Variants in SPPL3 observed in about 807,000 individuals in gnomAD.
SPPL3 encodes signal peptide peptidase-like 3.
A neutral mutation model predicts 42.4 loss-of-function variants in SPPL3; 5 were observed. The observed-to-expected ratio is 0.12, with a 90% CI of 0.06 to 0.25. The LOEUF (loss-of-function observed/expected upper bound fraction) is 0.25. SPPL3 is among the 10% of genes least tolerant of loss of function. The probability of loss-of-function intolerance (pLI) is 1.00; values close to 1 mark genes in which losing one functional copy is unlikely to be tolerated. For missense variants in SPPL3, 235 were observed against 489.0 expected (o/e 0.48, Z 4.90); for synonymous variants, 195 against 181.8 (o/e 1.07, Z -0.58).
chr12:120,814,323 G>C (rs954375746), intron 1 of SPPL3, among the ~76,000 whole-genome samples: 1 of 152,150 alleles, frequency 6.6e-6, no homozygotes, highest in African/African-American at 2.4e-5. Flanking sequence ...AGTGGAGAAA[G>C]GGAAGGTAGG....
At chr12:120,852,777 A>ACATATGTG (rs1307530615) in intron 1 of SPPL3, among the ~76,000 whole-genome samples, 1 of 137,044 alleles carries the variant, frequency 7.3e-6, no homozygotes, top group Non-Finnish European at 1.6e-5. Context: ...TATTATATAT[A>ACATATGTG]AAATATATTT....
chr12:120,871,135 A>AAAAAAAG, intron 1 of SPPL3, among the ~76,000 whole-genome samples: 1 of 145,658 alleles, frequency 6.9e-6, no homozygotes, highest in East Asian at 2.0e-4. Context: ...GTCTCCAAAA[A>AAAAAAAG]AAAAAAAAAA....
In SPPL3 at chr12:120,795,094, ATGTT is replaced by A. The variant is rs546295433; in HGVS notation, c.102-3541_102-3538del. Among the ~76,000 whole-genome samples, 47 of 152,192 alleles carry A rather than the reference ATGTT, an allele frequency of 3.1e-4. 1 individual carries two copies. The South Asian group carries it at 4.1e-3, about 13-fold the overall frequency. ...TATCTTATAAACCTCACAATATATA[ATGTT>A]TGTTTATGTTGTCAATTATCATTCA... is the stretch of plus-strand genomic sequence containing the variant. On this transcript the variant is annotated intron_variant, in intron 2 of 10. Transcript: ENST00000353487.
In SPPL3 at chr12:120,784,510, C is replaced by A; in HGVS notation, c.274G>T (p.Asp92Tyr). ...ATTGTAAAAACTACTTGAACTGAGT[C>A]AAAGAAGAAGAACATTACTAAAAGA... Reference protein sequence around the residue: ...VSLLVMFFFFDSVQVVFTICT... With the variant: ...VSLLVMFFFFYSVQVVFTICT... Residue 92 changes from aspartate (D) to tyrosine (Y), a missense_variant, in exon 4 of 11, where the codon GAC (aspartate) becomes TAC (tyrosine). Physicochemically the swap from Asp to Tyr is radical, Grantham distance 160 (BLOSUM62 -3). Coordinates refer to ENST00000353487, the MANE Select transcript of SPPL3 (RefSeq NM_139015.5). 4 of 1,612,096 alleles carry A rather than the reference C, an allele frequency of 2.5e-6. No homozygotes were observed. In the South Asian group the frequency reaches 4.4e-5, roughly 18 times the overall value.
At chr12:120,769,221 C>G in intron 6 of SPPL3, 162 bp from the exon 7 acceptor site, 2 of 569,860 alleles carry the variant, frequency 3.5e-6, no homozygotes, top group Non-Finnish European at 6.4e-6. Flanking sequence ...GCAAAACACC[C>G]GCTTCTTCAG....
intron 2 of SPPL3, among the ~76,000 whole-genome samples, chr12:120,809,129 A>G (rs897700684): frequency 7.2e-5 from 11 of 152,200 alleles, no homozygotes; most frequent in Admixed American, 3.9e-4. Context: ...GTGGATCACA[A>G]GGTCAGGAGA....
chr12:120,850,935 A>G (rs1358139637), intron 1 of SPPL3, among the ~76,000 whole-genome samples: 1 of 152,214 alleles, frequency 6.6e-6, no homozygotes, highest in Non-Finnish European at 1.5e-5. Context: ...ATATTGGGCC[A>G]ACACAGATAA....
rs150393805 is a variant in SPPL3, at chr12:120,868,776, G to A, written c.23+35069C>T. On this transcript the variant is annotated intron_variant, in intron 1 of 10. Transcript: ENST00000353487. ...ATTACAGGGGTAAGCCACCATGCCC[G>A]GCCAATGGTGTGGTAATTTCTAAGG... 2.6e-4 allele frequency among the ~76,000 whole-genome samples: 39 copies of A among 152,146 alleles called. No individual in the cohort carries two copies. The East Asian group carries it at 6.9e-3, about 27-fold the overall frequency.
At chr12:120,877,546 C>T (rs1386865680) in intron 1 of SPPL3, among the ~76,000 whole-genome samples, 2 of 151,916 alleles carry the variant, frequency 1.3e-5, no homozygotes, top group African/African-American at 2.4e-5. Context: ...TTTGGGAGGC[C>T]GAGGCGGGTG....
chr12:120,802,384 T>TATATATAC (rs1870334658), intron 2 of SPPL3, among the ~76,000 whole-genome samples: 50 of 137,688 alleles, frequency 3.6e-4, no homozygotes, highest in African/African-American at 1.4e-3. Context: ...TATATGTATA[T>TATATATAC]ATATACACAT....
At chr12:120,871,130 C>CAAAAAAAAAAA (rs71453512) in intron 1 of SPPL3, among the ~76,000 whole-genome samples, 1,190 of 51,592 alleles carry the variant, frequency 0.023, 203 homozygotes, top group East Asian at 0.16. Context: ...ACTCCGTCTC[C>CAAAAAAAAAAA]AAAAAAAAAA....
At chr12:120,903,502 A>G (rs1673031259) in intron 1 of SPPL3, 1 of 327,030 alleles carries the variant, frequency 3.1e-6, no homozygotes, top group Non-Finnish European at 5.8e-6. Flanking sequence ...CACCCCCACG[A>G]GTCAGTTCCG....
intron 1 of SPPL3, among the ~76,000 whole-genome samples, chr12:120,901,589 C>CT (rs1399828518): frequency 3.0e-5 from 1 of 33,010 alleles, no homozygotes; most frequent in Non-Finnish European, 7.5e-5. Context: ...AGACTCCGTC[C>CT]TAAAAAAAAA....
In SPPL3 at chr12:120,831,263, C is replaced by T. The variant is rs116037891; in HGVS notation, c.24-20377G>A. Among the ~76,000 whole-genome samples, 890 of 152,214 alleles carry T rather than the reference C, an allele frequency of 5.8e-3. 11 individuals are homozygous for T. The highest frequency in any genetic ancestry group is 0.019 in the African/African-American group (806 of 41,504). On this transcript the variant is annotated intron_variant, in intron 1 of 10. Coordinates refer to ENST00000353487, the MANE Select transcript of SPPL3 (RefSeq NM_139015.5). The stretch of plus-strand genomic sequence containing the variant: ...CTTTAGCTTGCAGATGGTGGTGCTT[C>T]ACAGCCTCCATCTCTGCCCGAGCCA...
At chr12:120,780,227 C>T (rs1407010743) in intron 6 of SPPL3, among the ~76,000 whole-genome samples, 1 of 149,590 alleles carries the variant, frequency 6.7e-6, no homozygotes, top group South Asian at 2.2e-4. Flanking sequence ...CATCCCAGCA[C>T]TTTGGGAGGA....
rs115114803 is a variant in SPPL3 at position 120,845,597 on chromosome 12, G to A, written c.24-34711C>T. On this transcript the variant is annotated intron_variant, in intron 1 of 10. Transcript: ENST00000353487. ...CAGCATCCAGGCCCACCATGAGGAT[G>A]CACATTTCTTTTCTGTCAAAAAGGC... The A allele has an allele frequency of 2.4e-3, 1,113 of 470,064 alleles. 8 individuals are homozygous for A. Among genetic ancestry groups the A allele is most frequent in the African/African-American group, 0.021 (1,031 of 48,758 alleles). 29.1% of individuals were successfully genotyped at this position (470,064 alleles called of 1,614,324 possible).
intron 1 of SPPL3, among the ~76,000 whole-genome samples, chr12:120,889,614 G>C (rs1873568733): frequency 6.6e-6 from 1 of 152,214 alleles, no homozygotes; most frequent in Non-Finnish European, 1.5e-5. Flanking sequence ...TCAACTTACA[G>C]ATCGGAAGAA....
At chr12:120,779,038 A>G (rs1027062613) in intron 6 of SPPL3, among the ~76,000 whole-genome samples, 2 of 152,220 alleles carry the variant, frequency 1.3e-5, no homozygotes, top group Non-Finnish European at 2.9e-5. Flanking sequence ...GTGAGTTAGG[A>G]TCATGTTACC....
intron 1 of SPPL3, among the ~76,000 whole-genome samples, chr12:120,880,653 G>A (rs1873250393): frequency 6.6e-6 from 1 of 151,914 alleles, no homozygotes. Context: ...TGAGCATGGT[G>A]GCACGTGCCT....
Sources: gnomAD v4.1 joint callset for allele counts (sites outside exome capture counted in the v4.1 genomes callset) on GRCh38, gnomAD v4.1.1 for gene constraint, MANE v1.5 for transcripts, NCBI Gene and HGNC (gene_info 2026-07-23, HGNC 2026-07-21) for gene names.